MAP4K4: variants seen among roughly 807,000 people sequenced by gnomAD.
MAP4K4 encodes HPK/GCK-like kinase HGK.
A neutral mutation model predicts 189.6 loss-of-function variants in MAP4K4; 38 were observed. The observed-to-expected ratio is 0.20, with a 90% confidence interval of 0.15 to 0.26. MAP4K4 has a LOEUF of 0.26. MAP4K4 is among the 10% of genes least tolerant of loss of function. The probability of loss-of-function intolerance (pLI) is 1.00; values close to 1 mark genes in which losing one functional copy is unlikely to be tolerated. For missense variants in MAP4K4, 1,054 were observed against 1,726.9 expected, an observed-to-expected ratio of 0.61 and a Z score of 6.91; for synonymous variants, 610 against 624.3, an observed-to-expected ratio of 0.98 and a Z score of 0.34.
chr2:101,868,490 G>T (rs1181713587), intron 21 of MAP4K4, among the ~76,000 whole-genome samples: 1 of 152,186 alleles, frequency 6.6e-6, no homozygotes, highest in Non-Finnish European at 1.5e-5. Flanking sequence ...TGAAAATGTG[G>T]AGTATAAATA....
intron 2 of MAP4K4, among the ~76,000 whole-genome samples, chr2:101,752,905 C>T (rs939306950): frequency 1.3e-5 from 2 of 152,164 alleles, no homozygotes; most frequent in East Asian, 1.9e-4. Flanking sequence ...GTGCCAGGCT[C>T]CGACTGTAGG....
chr2:101,809,351 GTT>G (rs200952315), intron 3 of MAP4K4, among the ~76,000 whole-genome samples: 2 of 147,634 alleles, frequency 1.4e-5, no homozygotes, highest in Admixed American at 6.7e-5. Flanking sequence ...TTTATTCTTA[GTT>G]TTTTTTTTTG....
At chr2:101,755,198 T>C (rs1387168678) in intron 2 of MAP4K4, among the ~76,000 whole-genome samples, 2 of 148,690 alleles carry the variant, frequency 1.3e-5, no homozygotes, top group Non-Finnish European at 1.5e-5. Flanking sequence ...TTTTTTTTTT[T>C]CTTTCTTCCC....
At chr2:101,870,549 C>T (rs1222275209) in intron 23 of MAP4K4, 134 bp downstream of exon 23, 13 of 1,279,784 alleles carry the variant, frequency 1.0e-5, no homozygotes, top group South Asian at 7.3e-5. Flanking sequence ...GGTCAAGTGT[C>T]GAGTGTCGGG....
At chr2:101,841,755 C>T (rs1000662712) in intron 10 of MAP4K4, among the ~76,000 whole-genome samples, 1 of 152,094 alleles carries the variant, frequency 6.6e-6, no homozygotes, top group African/African-American at 2.4e-5. Flanking sequence ...GCGGGAGCCA[C>T]CACACCCAGC....
intron 2 of MAP4K4, among the ~76,000 whole-genome samples, chr2:101,742,176 C>T (rs747400873): frequency 8.5e-5 from 13 of 152,132 alleles, no homozygotes; most frequent in Non-Finnish European, 1.9e-4. Context: ...GGGTTGGGCT[C>T]AGCCTGACTC....
chr2:101,774,949 C>T (rs1179605034), intron 2 of MAP4K4, among the ~76,000 whole-genome samples: 1 of 151,812 alleles, frequency 6.6e-6, no homozygotes, highest in African/African-American at 2.4e-5. Context: ...GTGGAGGCCT[C>T]TCCACCTAGG....
At chr2:101,887,194 A>G in exon 30 of MAP4K4, 1 of 1,613,262 alleles carries the variant, frequency 6.2e-7, no homozygotes, top group Non-Finnish European at 8.5e-7. Context: ...CATGCTGTTG[A>G]TGTGGATTCA....
At chr2:101,816,626 T>C (rs774158593) in intron 3 of MAP4K4, among the ~76,000 whole-genome samples, 1 of 152,112 alleles carries the variant, frequency 6.6e-6, no homozygotes, top group Non-Finnish European at 1.5e-5. Context: ...GGATGATGAG[T>C]GCTCCACCTA....
intron 7 of MAP4K4, among the ~76,000 whole-genome samples, chr2:101,833,459 A>C (rs1014680099): frequency 1.3e-5 from 2 of 151,992 alleles, no homozygotes; most frequent in African/African-American, 2.4e-5. Context: ...TCTTTACTAA[A>C]AATACAAAAA....
intron 2 of MAP4K4, among the ~76,000 whole-genome samples, chr2:101,785,691 TC>T (rs1558913470): frequency 7.1e-4 from 2 of 2,832 alleles, no homozygotes; most frequent in African/African-American, 2.9e-3. Flanking sequence ...TCTCTCTCTC[TC>T]TCTCTCTCTC....
chr2:101,744,149 C>T (rs1187916355), intron 2 of MAP4K4, among the ~76,000 whole-genome samples: 1 of 152,178 alleles, frequency 6.6e-6, no homozygotes, highest in Non-Finnish European at 1.5e-5. Flanking sequence ...GCCTCCAGAG[C>T]AGCACTGCCC....
intron 28 of MAP4K4, 42 bp downstream of exon 28, chr2:101,882,727 A>C (rs1431315807): frequency 4.1e-6 from 6 of 1,474,648 alleles, no homozygotes; most frequent in Non-Finnish European, 5.4e-6. Context: ...CCAGAGTTTG[A>C]TTAGAGTTTG....
intron 6 of MAP4K4, 122 bp downstream of exon 6, chr2:101,829,716 C>T: frequency 2.9e-6 from 2 of 686,624 alleles, no homozygotes; most frequent in South Asian, 3.5e-5. Flanking sequence ...TTCTGTTCTT[C>T]TTAAGAATGT....
chr2:101,868,253 AG>A (rs2097874518), intron 21 of MAP4K4, among the ~76,000 whole-genome samples: 1 of 152,214 alleles, frequency 6.6e-6, no homozygotes, highest in Non-Finnish European at 1.5e-5. Flanking sequence ...CTGTTTAAAA[AG>A]CTTCAGCTAT....
intron 2 of MAP4K4, among the ~76,000 whole-genome samples, chr2:101,729,101 AGTGT>A (rs57635166): frequency 7.7e-5 from 10 of 130,602 alleles, no homozygotes; most frequent in South Asian, 2.6e-4. Flanking sequence ...AGAGAGAGAG[AGTGT>A]GTGTGTGTGT....
intron 12 of MAP4K4, among the ~76,000 whole-genome samples, chr2:101,852,972 A>G (rs771348370): frequency 3.3e-5 from 5 of 152,230 alleles, no homozygotes; most frequent in Admixed American, 6.5e-5. Context: ...AGACACACTT[A>G]TTACAAATGC....
At chr2:101,730,635 C>A (rs938789533) in intron 2 of MAP4K4, among the ~76,000 whole-genome samples, 33 of 152,170 alleles carry the variant, frequency 2.2e-4, no homozygotes, top group Admixed American at 3.9e-4. Context: ...ATTTCTGTCA[C>A]CTCCAGAGCA....
intron 3 of MAP4K4, among the ~76,000 whole-genome samples, chr2:101,810,135 T>C (rs1243521015): frequency 6.6e-6 from 1 of 152,174 alleles, no homozygotes; most frequent in African/African-American, 2.4e-5. Context: ...TTTGGTATAA[T>C]AGGTAGCAAA....
Sources: allele counts gnomAD v4.1 joint callset (sites outside exome capture counted in the v4.1 genomes callset), GRCh38; gene constraint gnomAD v4.1.1; transcripts MANE v1.5; gene names NCBI Gene and HGNC (gene_info 2026-07-23, HGNC 2026-07-21).